The following GABBR2 variants were observed in gnomAD, a reference collection of about 807,000 sequenced individuals.
The protein encoded by GABBR2 is gamma-aminobutyric acid type B receptor subunit 2.
A neutral mutation model predicts 105.6 loss-of-function variants in GABBR2; 23 were observed. The ratio of observed to expected loss-of-function variants is 0.22; its 90% CI spans 0.16 to 0.31. GABBR2 has a LOEUF of 0.31. Among genes scored for constraint, GABBR2 ranks in the 10% least tolerant of loss-of-function variants. The pLI, the probability that GABBR2 is intolerant of heterozygous loss-of-function variation, is 1.00. For missense variants in GABBR2, 734 were observed against 1,245.5 expected (o/e 0.59, Z 6.18); for synonymous variants, 478 against 499.7 (o/e 0.96, Z 0.58).
intron 4 of GABBR2, among the ~76,000 whole-genome samples, chr9:98,491,765 C>T (rs1263334784): frequency 8.5e-5 from 13 of 152,088 alleles, no homozygotes; most frequent in Admixed American, 7.9e-4. Context: ...ATGCCTATTG[C>T]CGTATCTATT....
At chr9:98,544,681 G>A (rs1828368675) in intron 2 of GABBR2, among the ~76,000 whole-genome samples, 2 of 152,142 alleles carry the variant, frequency 1.3e-5, no homozygotes, top group African/African-American at 4.8e-5. Context: ...AGAACAGAAG[G>A]GCTTCAAAGT....
At chr9:98,678,077 C>T (rs1830497724) in intron 1 of GABBR2, among the ~76,000 whole-genome samples, 2 of 152,104 alleles carry the variant, frequency 1.3e-5, no homozygotes, top group Admixed American at 1.3e-4. Flanking sequence ...CATTGATGTA[C>T]CCTCCCTCAA....
chr9:98,432,549 G>A (rs912505383), intron 7 of GABBR2, among the ~76,000 whole-genome samples: 13 of 152,124 alleles, frequency 8.5e-5, no homozygotes, highest in African/African-American at 2.7e-4. Flanking sequence ...TTTCCCACCT[G>A]CATGAATTTG....
chr9:98,622,512 G>A (rs892301107), intron 1 of GABBR2, among the ~76,000 whole-genome samples: 3 of 78,866 alleles, frequency 3.8e-5, no homozygotes, highest in African/African-American at 1.1e-4. Flanking sequence ...TGTTTGTTCA[G>A]CTAGCTATGT....
intron 8 of GABBR2, among the ~76,000 whole-genome samples, chr9:98,404,012 A>G (rs1260979312): frequency 6.6e-6 from 1 of 152,118 alleles, no homozygotes; most frequent in African/African-American, 2.4e-5. Flanking sequence ...CCTTCCTTAT[A>G]AATCCAGATA....
At chr9:98,431,380 T>C (rs1346686632) in intron 7 of GABBR2, among the ~76,000 whole-genome samples, 3 of 152,272 alleles carry the variant, frequency 2.0e-5, no homozygotes, top group Middle Eastern at 3.4e-3. Context: ...AAGGGATTCA[T>C]TTTGGTTTTG....
rs1285936403 is a variant in GABBR2, at chr9:98,549,031, T to C, written c.460-6988A>G. 1.6e-5 allele frequency among the ~76,000 whole-genome samples: 2 copies of C among 121,304 alleles called. 1 individual carries two copies. Among genetic ancestry groups the C allele is most frequent in the African/African-American group, 5.3e-5 (2 of 37,878 alleles). 79.6% of individuals were successfully genotyped at this position (121,304 alleles called of 152,430 possible). A position where few individuals can be genotyped will look rare whatever the true frequency, so the allele number is the denominator to read the frequency against. On this transcript the variant is annotated intron_variant, in intron 2 of 18. Coordinates refer to ENST00000259455, the MANE Select transcript of GABBR2 (RefSeq NM_005458.8). ...GGTCACTGCAACCTCCGCCTCCCGA[T>C]TGTTCAAGCGATTCTCCTGCCTCAG...
At chr9:98,560,157 T>C (rs1008316617) in intron 2 of GABBR2, among the ~76,000 whole-genome samples, 10 of 152,212 alleles carry the variant, frequency 6.6e-5, no homozygotes, top group African/African-American at 1.4e-4. Flanking sequence ...TATGGAATCA[T>C]ATAAAAGTTG....
At chr9:98,563,936 A>C (rs1828714438) in intron 2 of GABBR2, among the ~76,000 whole-genome samples, 1 of 152,246 alleles carries the variant, frequency 6.6e-6, no homozygotes, top group South Asian at 2.1e-4. Context: ...CCAGAGTAGG[A>C]CTATAAGTAC....
chr9:98,576,041 G>T (rs10986810), intron 2 of GABBR2, among the ~76,000 whole-genome samples: 31,525 of 152,214 alleles, frequency 0.21, 4,203 homozygotes, highest in East Asian at 0.49. Context: ...GGCTAAGTGA[G>T]GGGCCCTCGC....
intron 13 of GABBR2, among the ~76,000 whole-genome samples, chr9:98,357,109 T>C (rs1831497820): frequency 6.6e-6 from 1 of 152,198 alleles, no homozygotes; most frequent in Admixed American, 6.5e-5. Flanking sequence ...TGACATGCAT[T>C]TGGCAAAGCC....
chr9:98,654,329 T>C lies in GABBR2; in HGVS notation c.321+54088A>G, dbSNP rs191234869. 3.7e-3 allele frequency among the ~76,000 whole-genome samples: 564 copies of C among 152,322 alleles called. 7 individuals are homozygous for C. Among genetic ancestry groups the C allele is most frequent in the Admixed American group, 5.9e-3 (90 of 15,298 alleles). On this transcript the variant is annotated intron_variant, in intron 1 of 18. Coordinates refer to ENST00000259455, the MANE Select transcript of GABBR2 (RefSeq NM_005458.8). ...GTCATGGCCCATCTCGGCCCCAGCA[T>C]GTTGTCTGTTTAAACATCTGTCTTA...
chr9:98,446,522 T>G (rs1387573947), intron 7 of GABBR2, among the ~76,000 whole-genome samples: 3 of 152,178 alleles, frequency 2.0e-5, no homozygotes. Flanking sequence ...CAATGGTACA[T>G]TTCATCTGAG....
At chr9:98,617,124 C>G (rs773002867) in intron 1 of GABBR2, among the ~76,000 whole-genome samples, 16 of 152,126 alleles carry the variant, frequency 1.1e-4, no homozygotes, top group Non-Finnish European at 2.4e-4. Flanking sequence ...AATAACTTCC[C>G]AATCCACCAC....
At chr9:98,626,553 G>C in intron 1 of GABBR2, among the ~76,000 whole-genome samples, 1 of 152,060 alleles carries the variant, frequency 6.6e-6, no homozygotes, top group East Asian at 1.9e-4. Context: ...GTGTGATCCT[G>C]GGCAAGTCAC....
intron 1 of GABBR2, among the ~76,000 whole-genome samples, chr9:98,652,687 G>A (rs943615356): frequency 1.3e-4 from 20 of 152,298 alleles, no homozygotes; most frequent in Middle Eastern, 3.4e-3. Context: ...CCAGTGGAGC[G>A]TCACTCTCAC....
chr9:98,471,701 G>C (rs1826686418), intron 6 of GABBR2, among the ~76,000 whole-genome samples: 1 of 152,136 alleles, frequency 6.6e-6, no homozygotes, highest in Admixed American at 6.5e-5. Flanking sequence ...TTTAGTTACT[G>C]TACCATCTGC....
In GABBR2 at chr9:98,299,103, G is replaced by A. The variant is rs922407277; in HGVS notation, c.2542+121C>T. 7.3e-6 allele frequency: 6 copies of A among 825,838 alleles called. No homozygotes were observed. The African/African-American group carries it at 1.0e-4, about 14-fold the overall frequency. The allele number at this position is 825,838 out of a possible 1,614,324, so 51.2% of individuals were successfully genotyped here. On this transcript the variant is annotated intron_variant, in intron 17 of 18. Transcript: ENST00000259455. ...CCAGATGCTCCAGCTCTGTGTGTGT[G>A]ACTTCATACCAGTCCTGTGCCCTGT... is the stretch of plus-strand genomic sequence containing the variant.
intron 11 of GABBR2, among the ~76,000 whole-genome samples, chr9:98,380,713 A>G (rs1399118045): frequency 6.6e-6 from 1 of 152,206 alleles, no homozygotes; most frequent in Non-Finnish European, 1.5e-5. Context: ...AAAGGGTCAG[A>G]GGGAGTGGGG....
Sources: allele counts gnomAD v4.1 joint callset (sites outside exome capture counted in the v4.1 genomes callset), GRCh38; gene constraint gnomAD v4.1.1; transcripts MANE v1.5; gene names NCBI Gene and HGNC (gene_info 2026-07-23, HGNC 2026-07-21).